Variants in ALLC observed in about 807,000 individuals in gnomAD.
The protein encoded by ALLC is allantoicase, also known as probable inactive allantoicase.
A neutral mutation model predicts 45.0 loss-of-function variants in ALLC; 40 were observed. That is an observed-to-expected ratio of 0.89 (90% CI 0.69 to 1.16). ALLC has a LOEUF of 1.16. ALLC is among the 50% of genes most tolerant of loss of function. The pLI, the probability that ALLC is intolerant of heterozygous loss-of-function variation, is 0.00. For synonymous variants in ALLC, 176 were observed against 178.1 expected (o/e 0.99, Z 0.09); for missense variants, 488 against 493.1 (o/e 0.99, Z 0.10).
At chr2:3,665,433 C>T (rs1345492195) in intron 1 of ALLC, among the ~76,000 whole-genome samples, 1 of 152,198 alleles carries the variant, frequency 6.6e-6, no homozygotes, top group African/African-American at 2.4e-5. Context: ...TTAATCCCCA[C>T]ATGCATTAGC....
intron 7 of ALLC, among the ~76,000 whole-genome samples, chr2:3,692,204 T>G (rs1369740451): frequency 3.3e-5 from 5 of 152,208 alleles, no homozygotes; most frequent in Non-Finnish European, 5.9e-5. Flanking sequence ...CATTAGTTAT[T>G]TATTCCAGTC....
In ALLC at chr2:3,691,945, T is replaced by C. The variant is rs550847074; in HGVS notation, c.512-3772T>C. On this transcript the variant is annotated intron_variant, in intron 7 of 11. Coordinates refer to ENST00000252505, the MANE Select transcript of ALLC (RefSeq NM_018436.4). ...AAATACGTTTTTCCATTCAAAGTTT[T>C]CTGTTTGATTTTAAAAAATTATTGA... 2.0e-5 allele frequency among the ~76,000 whole-genome samples: 3 copies of C among 152,336 alleles called. No individual in the cohort carries two copies. The South Asian group carries it at 6.2e-4, about 32-fold the overall frequency.
rs1667151805 is a variant in ALLC, at chr2:3,680,614, A to T, written c.298+620A>T. 6.6e-6 allele frequency among the ~76,000 whole-genome samples: 1 copy of T among 152,114 alleles called. No homozygotes were observed. The highest frequency in any genetic ancestry group is 2.4e-5 in the African/African-American group (1 of 41,418). On this transcript the variant is annotated intron_variant, in intron 5 of 11. Transcript: ENST00000252505. The surrounding 1 kb of genome is among the most constrained non-coding windows in gnomAD (Gnocchi z 4.0). ...TTGGTAACGGGTATTTTATTGGGGG[A>T]ACTTACGGACAGAAGCGTGGCCTTG...
chr2:3,674,888 A>T (rs1666981268), intron 3 of ALLC, among the ~76,000 whole-genome samples: 1 of 152,226 alleles, frequency 6.6e-6, no homozygotes, highest in Admixed American at 6.5e-5. Flanking sequence ...ATTTTACCAC[A>T]GGTCCGGTCT....
intron 4 of ALLC, among the ~76,000 whole-genome samples, chr2:3,679,313 T>C (rs1039931686): frequency 5.3e-5 from 8 of 152,238 alleles, no homozygotes; most frequent in African/African-American, 1.9e-4. Context: ...TTCAAGACTC[T>C]GAAGGCTTTG....
chr2:3,686,678 C>G (rs1287238653), intron 7 of ALLC, among the ~76,000 whole-genome samples: 1 of 150,752 alleles, frequency 6.6e-6, no homozygotes, highest in African/African-American at 2.4e-5. Flanking sequence ...ATGGATTCCT[C>G]AGTATTTTAT....
chr2:3,690,256 TCCCTTCCCTCC>T (rs1667443802), intron 7 of ALLC, among the ~76,000 whole-genome samples: 1 of 14,734 alleles, frequency 6.8e-5, no homozygotes, highest in African/African-American at 2.9e-4. Context: ...CCCCTTCCCT[TCCCTTCCCTCC>T]CCCCTCCCCT....
At position 3,697,617 on chromosome 2, in the gene ALLC, GTCTGTCTATCTA is replaced by G. The variant is rs1211435375; in HGVS notation, c.850+165_850+176del. ...TACTTTAACCCTTAGAACTCTGTCT[GTCTGTCTATCTA>G]TCTATCTATCTATCTATCTATCTAT... is the stretch of plus-strand genomic sequence containing the variant. On this transcript the variant is annotated intron_variant, in intron 10 of 11. Coordinates refer to ENST00000252505, the MANE Select transcript of ALLC (RefSeq NM_018436.4). Among the ~76,000 whole-genome samples the G allele has an allele frequency of 4.7e-3, 650 of 138,686 alleles. 2 individuals are homozygous for G. Among genetic ancestry groups the G allele is most frequent in the Non-Finnish European group, 6.7e-3 (436 of 65,076 alleles). The allele number at this position is 138,686 out of a possible 152,430, so 91.0% of individuals were successfully genotyped here.
At chr2:3,657,781 T>C (rs1239463511), upstream of ALLC, among the ~76,000 whole-genome samples, 1 of 152,158 alleles carries the variant, frequency 6.6e-6, no homozygotes, top group Non-Finnish European at 1.5e-5. Flanking sequence ...TTTGTGTGTA[T>C]TTACTTTTTC....
At chr2:3,695,981 G>C in intron 8 of ALLC, 109 bp downstream of exon 8, 1 of 1,144,268 alleles carries the variant, frequency 8.7e-7, no homozygotes. Flanking sequence ...TCAAAGCACA[G>C]CAGTGGATGA....
chr2:3,658,388 C>T (rs184002449), intron 1 of ALLC, 94 bp downstream of exon 1: 13 of 152,326 alleles, frequency 8.5e-5, no homozygotes, highest in African/African-American at 2.2e-4. Context: ...AGTCATGCAA[C>T]GAACCCTCGA....
At chr2:3,683,123 T>C in intron 7 of ALLC, 49 bp downstream of exon 7, 1 of 1,554,436 alleles carries the variant, frequency 6.4e-7, no homozygotes, top group Non-Finnish European at 8.7e-7. Context: ...CTTTATTTTA[T>C]GTTGACATGT....
rs1667083588 is a variant in ALLC at position 3,678,463 on chromosome 2, C to T, written c.85-5C>T. ...ATGATCACCTTGTTGTGGTCTTTGC[C>T]CTAGAGTGACAGCCCGTGCTTCAAA... is the stretch of plus-strand genomic sequence containing the variant. On this transcript the variant is annotated splice_polypyrimidine_tract_variant and splice_region_variant and intron_variant, in intron 3 of 11. Coordinates refer to ENST00000252505, the MANE Select transcript of ALLC (RefSeq NM_018436.4). The T allele has an allele frequency of 1.2e-6, 2 of 1,612,822 alleles. No homozygotes were observed. Among genetic ancestry groups the T allele is most frequent in the East Asian group, 4.5e-5 (2 of 44,872 alleles).
Position 3,702,512 on chromosome 2 carries a change from C to T in ALLC, c.1125C>T (p.Pro375=). Residue 375 remains proline (P), a synonymous_variant, in exon 12 of 12, where the codon CCC becomes CCT. Coordinates refer to ENST00000252505, the MANE Select transcript of ALLC (RefSeq NM_018436.4). ...CCAGCTCCATCTGCCTCCTGAGGCC[C>T]CGGGAGAAGCCCATGTTGAAGTTCT... ...GFPSSICLLR[P]REKPMLKFSV... is the part of the protein sequence containing the mutation. 6.2e-7 allele frequency: 1 copy of T among 1,609,194 alleles called. No individual in the cohort carries two copies. Among genetic ancestry groups the T allele is most frequent in the Non-Finnish European group, 8.5e-7 (1 of 1,178,308 alleles).
At chr2:3,667,773 C>T (rs1373915219) in intron 1 of ALLC, among the ~76,000 whole-genome samples, 1 of 152,150 alleles carries the variant, frequency 6.6e-6, no homozygotes, top group African/African-American at 2.4e-5. Context: ...TAAATAAATA[C>T]ATTTTTTTGA....
At chr2:3,650,726 C>T in the ALLC span, among the ~76,000 whole-genome samples, 3 of 152,200 alleles carry the variant, frequency 2.0e-5, no homozygotes, top group Non-Finnish European at 2.9e-5. Context: ...TCCACACTAC[C>T]CCTCCCATGT....
intron 2 of ALLC, 49 bp downstream of exon 2, chr2:3,671,239 A>G (rs911073877): frequency 1.3e-6 from 2 of 1,585,688 alleles, no homozygotes; most frequent in African/African-American, 2.7e-5. Flanking sequence ...ATCCGTGCTA[A>G]GGGCACAACT....
intron 4 of ALLC, among the ~76,000 whole-genome samples, chr2:3,679,643 C>T (rs544535953): frequency 6.6e-6 from 1 of 152,232 alleles, no homozygotes; most frequent in Non-Finnish European, 1.5e-5. Flanking sequence ...TGCATTTTCT[C>T]TTCTGGCTAG....
At chr2:3,670,059 A>G (rs1014609939) in intron 1 of ALLC, among the ~76,000 whole-genome samples, 14 of 152,144 alleles carry the variant, frequency 9.2e-5, no homozygotes, top group African/African-American at 3.1e-4. Flanking sequence ...GCACAAAAGA[A>G]CCAGCGAATC....
Sources: allele counts gnomAD v4.1 joint callset (sites outside exome capture counted in the v4.1 genomes callset), GRCh38; gene constraint gnomAD v4.1.1; non-coding constraint Gnocchi (gnomAD v3.1); transcripts MANE v1.5; gene names NCBI Gene and HGNC (gene_info 2026-07-23, HGNC 2026-07-21).